Variants in RASL10A observed in about 807,000 individuals in gnomAD.
RASL10A encodes RAS like family 10 member A.
In RASL10A, 13 loss-of-function variants were observed where a neutral mutation model predicts 17.3. The ratio of observed to expected loss-of-function variants is 0.75; its 90% CI spans 0.49 to 1.20. The LOEUF (loss-of-function observed/expected upper bound fraction) is 1.20. Among genes scored for constraint, RASL10A ranks in the 50% most tolerant of loss-of-function variants. RASL10A has a pLI of 0.00. For missense variants in RASL10A, 307 were observed against 310.3 expected (o/e 0.99, Z 0.08); for synonymous variants, 159 against 142.2 (o/e 1.12, Z -0.84).
Position 29,315,100 on chromosome 22 carries a change from G to C in RASL10A, c.147C>G (p.Asp49Glu). The C allele has an allele frequency of 6.5e-7, 1 of 1,529,656 alleles. No individual in the cohort carries two copies. Among genetic ancestry groups the C allele is most frequent in the Non-Finnish European group, 8.8e-7 (1 of 1,142,234 alleles). 94.8% of individuals were successfully genotyped at this position (1,529,656 alleles called of 1,614,324 possible). A position where few individuals can be genotyped will look rare whatever the true frequency, so the allele number is the denominator to read the frequency against. The change falls in exon 1 of 3, where the codon GAC (aspartate) becomes GAG (glutamate). Residue 49 changes from aspartate to glutamate, a missense_variant. By Grantham distance (45) the Asp-to-Glu change is conservative (BLOSUM62 2). Transcript: ENST00000216101. The surrounding 1 kb of genome is among the most constrained non-coding windows in gnomAD (Gnocchi z 5.5). Reference protein sequence around the residue: ...PRLYRPAVLLDGAVYDLSIRD... With the variant: ...PRLYRPAVLLEGAVYDLSIRD... The stretch of plus-strand genomic sequence containing the variant: ...GGATGCTCAAGTCGTAGACGGCGCC[G>C]TCGAGCAGCACCGCGGGTCGGTAGA...
chr22:29,313,681 C>CT, intron 2 of RASL10A, 113 bp from the exon 3 acceptor site: 3 of 1,418,346 alleles, frequency 2.1e-6, no homozygotes, highest in Non-Finnish European at 1.9e-6. Flanking sequence ...ACCGCCCCCC[C>CT]CGCCGCCCCA....
chr22:29,313,607 C>A lies in RASL10A; in HGVS notation c.345-39G>T, dbSNP rs751634635. ...GGAGATGAGAGACGCGGGGACCCCA[C>A]GGCCGGAGAATTCCCCCAGTGGGTA... On this transcript the variant is annotated intron_variant, in intron 2 of 2. Coordinates refer to ENST00000216101, the MANE Select transcript of RASL10A (RefSeq NM_006477.5). 149 of 1,493,914 alleles carry A rather than the reference C, an allele frequency of 1.0e-4. No homozygotes were observed. In the East Asian group the frequency reaches 1.4e-3, roughly 15 times the overall value. The allele number at this position is 1,493,914 out of a possible 1,614,324, so 92.5% of individuals were successfully genotyped here.
At position 29,313,744 on chromosome 22, in the gene RASL10A, C is replaced by T. The variant is rs893195309; in HGVS notation, c.344+119G>A. The stretch of plus-strand genomic sequence containing the variant: ...AGAGCACATACAGCTTAAGACCTTC[C>T]CACGGGCGAAGGCCTAAGACCCGGC... On this transcript the variant is annotated intron_variant, in intron 2 of 2. Coordinates refer to ENST00000216101, the MANE Select transcript of RASL10A (RefSeq NM_006477.5). The T allele has an allele frequency of 4.8e-5, 71 of 1,493,378 alleles. No individual in the cohort carries two copies. In the African/African-American group the frequency reaches 9.0e-4, roughly 19 times the overall value. The allele number at this position is 1,493,378 out of a possible 1,614,324, so 92.5% of individuals were successfully genotyped here.
In RASL10A at chr22:29,313,215, A is replaced by G; in HGVS notation, c.*86T>C. ...GGCGGAGACTTCCCTGTCCAGTCCC[A>G]GTGAAGTTGGGCGATCCCGTCCAAT... On this transcript the variant is annotated 3_prime_UTR_variant, in exon 3 of 3. Coordinates refer to ENST00000216101, the MANE Select transcript of RASL10A (RefSeq NM_006477.5). 1.4e-6 allele frequency: 2 copies of G among 1,407,010 alleles called. No individual in the cohort carries two copies. Among genetic ancestry groups the G allele is most frequent in the Non-Finnish European group, 9.3e-7 (1 of 1,071,302 alleles). The allele number at this position is 1,407,010 out of a possible 1,614,324, so 87.2% of individuals were successfully genotyped here. A position where few individuals can be genotyped will look rare whatever the true frequency, so the allele number is the denominator to read the frequency against.
rs2061446186 is a variant in RASL10A, at chr22:29,315,220, A to G, written c.27T>C (p.Val9=). The change falls in exon 1 of 3, where the codon GTT becomes GTC. Residue 9 remains valine (V), a synonymous_variant. Transcript: ENST00000216101. The surrounding 1 kb of genome is among the most constrained non-coding windows in gnomAD (Gnocchi z 5.5). The part of the protein sequence containing the change: MGGSLRVA[V]LGAPGVGKTA... ...TCTTGCCCACGCCCGGGGCGCCTAGAACGGCCACCCGCAGGCTACCCCCCA... is the reference window on the plus strand; with the variant it reads ...TCTTGCCCACGCCCGGGGCGCCTAGGACGGCCACCCGCAGGCTACCCCCCA... The G allele has an allele frequency of 6.6e-7, 1 of 1,519,044 alleles. No homozygotes were observed. Among genetic ancestry groups the G allele is most frequent in the African/African-American group, 1.4e-5 (1 of 69,660 alleles). 94.1% of individuals were successfully genotyped at this position (1,519,044 alleles called of 1,614,324 possible).
At chr22:29,316,120 G>A (rs146457956), upstream of RASL10A, among the ~76,000 whole-genome samples, 1 of 152,224 alleles carries the variant, frequency 6.6e-6, no homozygotes, top group Non-Finnish European at 1.5e-5. Flanking sequence ...CTTTTCTTGA[G>A]AGCCTACTAT....
Position 29,313,970 on chromosome 22 carries a change from C to T in RASL10A, c.237G>A (p.Lys79=). 6.2e-7 allele frequency: 1 copy of T among 1,613,698 alleles called. No homozygotes were observed. Among genetic ancestry groups the T allele is most frequent in the Non-Finnish European group, 8.5e-7 (1 of 1,180,030 alleles). The part of the protein sequence containing the change: ...PGGPEEWPDA[K]DWSLQDTDAF... ...CGTCCGTGTCCTGCAAGCTCCAGTCCTTAGCGTCTGGCCACTCCTGGGGAC... is the reference window on the plus strand; with the variant it reads ...CGTCCGTGTCCTGCAAGCTCCAGTCTTTAGCGTCTGGCCACTCCTGGGGAC... Residue 79 remains lysine (K), a synonymous_variant, in exon 2 of 3, where the codon AAG becomes AAA. Coordinates refer to ENST00000216101, the MANE Select transcript of RASL10A (RefSeq NM_006477.5).
upstream of RASL10A, among the ~76,000 whole-genome samples, chr22:29,317,656 G>C (rs528259876): frequency 6.6e-6 from 1 of 152,256 alleles, no homozygotes; most frequent in African/African-American, 2.4e-5. Flanking sequence ...ACAAAACCCA[G>C]AAGTCTGAAA....
At chr22:29,315,962 C>T (rs946508393), upstream of RASL10A, among the ~76,000 whole-genome samples, 2 of 152,264 alleles carry the variant, frequency 1.3e-5, no homozygotes, top group Admixed American at 6.5e-5. The surrounding 1 kb of genome is among the most constrained non-coding windows in gnomAD (Gnocchi z 5.5). Context: ...CGCCCCCACG[C>T]TGGCTCCCGA....
chr22:29,318,235 G>A (rs1054796091), upstream of RASL10A, among the ~76,000 whole-genome samples: 1 of 152,182 alleles, frequency 6.6e-6, no homozygotes, highest in Non-Finnish European at 1.5e-5. Context: ...TCACAGCAGC[G>A]TTCCTAGCAG....
chr22:29,317,372 G>C (rs2061459178), upstream of RASL10A, among the ~76,000 whole-genome samples: 1 of 151,992 alleles, frequency 6.6e-6, no homozygotes, highest in African/African-American at 2.4e-5. Flanking sequence ...CAAATAGCTG[G>C]GACTGCAGGT....
At chr22:29,314,746 C>T (rs1249598023) in intron 1 of RASL10A, among the ~76,000 whole-genome samples, 1 of 152,196 alleles carries the variant, frequency 6.6e-6, no homozygotes, top group Admixed American at 6.5e-5. Flanking sequence ...TTATGCACCA[C>T]CAAGAGCTGC....
At chr22:29,318,064 T>C (rs1465375064), upstream of RASL10A, among the ~76,000 whole-genome samples, 1 of 152,208 alleles carries the variant, frequency 6.6e-6, no homozygotes, top group Non-Finnish European at 1.5e-5. Flanking sequence ...TGAAAAACTT[T>C]CCTTGCTTCT....
chr22:29,314,186 C>A, intron 1 of RASL10A, 199 bp from the exon 2 acceptor site: 1 of 624,640 alleles, frequency 1.6e-6, no homozygotes, highest in Non-Finnish European at 2.7e-6. Flanking sequence ...AGCCTGTCAG[C>A]CAGCCTCCTT....
Position 29,315,337 on chromosome 22 carries a change from G to A in RASL10A, c.-91C>T. On this transcript the variant is annotated 5_prime_UTR_variant, in exon 1 of 3. Coordinates refer to ENST00000216101, the MANE Select transcript of RASL10A (RefSeq NM_006477.5). This position sits in a 1 kb window ranked among gnomAD's most constrained non-coding sequence, Gnocchi z 5.5. Reference sequence around the variant, plus strand: ...CCAGGCCGTGCGCCCCGCGCGCCCTGCCCGGTGCGCCACGGCCCCGTCGCG... The same window carrying A: ...CCAGGCCGTGCGCCCCGCGCGCCCTACCCGGTGCGCCACGGCCCCGTCGCG... 1.2e-6 allele frequency: 1 copy of A among 842,570 alleles called. No homozygotes were observed. The allele number at this position is 842,570 out of a possible 1,614,324, so 52.2% of individuals were successfully genotyped here.
At position 29,315,453 on chromosome 22, in the gene RASL10A, C is replaced by T. The variant is rs1244536073; in HGVS notation, c.-207G>A. 1.4e-5 allele frequency: 4 copies of T among 289,970 alleles called. No individual in the cohort carries two copies. Among genetic ancestry groups the T allele is most frequent in the African/African-American group, 6.7e-5 (3 of 44,872 alleles). 18.0% of individuals were successfully genotyped at this position (289,970 alleles called of 1,614,324 possible). On this transcript the variant is annotated 5_prime_UTR_variant, in exon 1 of 3. Coordinates refer to ENST00000216101, the MANE Select transcript of RASL10A (RefSeq NM_006477.5). This position sits in a 1 kb window ranked among gnomAD's most constrained non-coding sequence, Gnocchi z 5.5. Reference sequence around the variant, plus strand: ...GAGGGCAGACAGACAGCCGAGTGGGCAGACAGGTGGCGGGCGCGCGAGCGG... The same window carrying T: ...GAGGGCAGACAGACAGCCGAGTGGGTAGACAGGTGGCGGGCGCGCGAGCGG...
intron 1 of RASL10A, 168 bp from the exon 2 acceptor site, chr22:29,314,155 A>C: frequency 1.1e-6 from 1 of 896,228 alleles, no homozygotes. Context: ...ACCAGGGTAA[A>C]ATTTTCCAAA....
chr22:29,313,749 G>C (rs1417436890), intron 2 of RASL10A, 114 bp downstream of exon 2: 2 of 1,504,518 alleles, frequency 1.3e-6, no homozygotes, highest in Non-Finnish European at 1.8e-6. Context: ...CCTTCCCACG[G>C]GCGAAGGCCT....
At chr22:29,314,186 C>T in intron 1 of RASL10A, 199 bp from the exon 2 acceptor site, 1 of 624,640 alleles carries the variant, frequency 1.6e-6, no homozygotes. Context: ...AGCCTGTCAG[C>T]CAGCCTCCTT....
Sources: gnomAD v4.1 joint callset for allele counts (sites outside exome capture counted in the v4.1 genomes callset) on GRCh38, gnomAD v4.1.1 for gene constraint, Gnocchi (gnomAD v3.1) non-coding constraint, MANE v1.5 for transcripts, NCBI Gene and HGNC (gene_info 2026-07-23, HGNC 2026-07-21) for gene names.